RAP1A: variants seen among roughly 807,000 people sequenced by gnomAD.
RAP1A encodes the protein RAP1A, member of RAS oncogene family, also known as ras-related protein Rap-1A.
Under a neutral mutation model 26.4 loss-of-function variants are expected in RAP1A, and 6 were observed. That is an observed-to-expected ratio of 0.23 (90% CI 0.12 to 0.45). The LOEUF (loss-of-function observed/expected upper bound fraction) is 0.45, where lower values mean the gene tolerates loss of function less well. Among genes scored for constraint, RAP1A ranks in the 20% least tolerant of loss-of-function variants. The probability of loss-of-function intolerance (pLI) is 0.99; values close to 1 mark genes in which losing one functional copy is unlikely to be tolerated. For missense variants in RAP1A, 121 were observed against 217.2 expected (o/e 0.56, Z 2.78); for synonymous variants, 73 against 79.4 (o/e 0.92, Z 0.43).
chr1:111,621,867 C>T (rs1659214879), intron 1 of RAP1A, among the ~76,000 whole-genome samples: 1 of 152,134 alleles, frequency 6.6e-6, no homozygotes, highest in Non-Finnish European at 1.5e-5. Flanking sequence ...AGCTCAAAAG[C>T]CTTTGTTCAC....
At chr1:111,613,168 A>G (rs975270057) in intron 1 of RAP1A, among the ~76,000 whole-genome samples, 1 of 149,366 alleles carries the variant, frequency 6.7e-6, no homozygotes, top group Non-Finnish European at 1.5e-5. Context: ...TTTTTTTTTA[A>G]GTTTTAAATC....
chr1:111,708,982 G>T (rs567858887), intron 6 of RAP1A, among the ~76,000 whole-genome samples, 167 bp from the exon 7 acceptor site: 2 of 152,292 alleles, frequency 1.3e-5, no homozygotes, highest in African/African-American at 4.8e-5. Flanking sequence ...GGTAAGTCCT[G>T]CTTTCTACCC....
intron 1 of RAP1A, among the ~76,000 whole-genome samples, chr1:111,643,732 C>T (rs113436649): frequency 6.6e-6 from 1 of 152,342 alleles, no homozygotes; most frequent in Non-Finnish European, 1.5e-5. Flanking sequence ...TTATCATCAG[C>T]ACTGGTGTGT....
At position 111,567,225 on chromosome 1, in the gene RAP1A, T is replaced by G. The variant is rs560117649; in HGVS notation, c.-28+24716T>G. 2.3e-3 allele frequency among the ~76,000 whole-genome samples: 346 copies of G among 152,250 alleles called. 3 individuals carry two copies. Among genetic ancestry groups the G allele is most frequent in the African/African-American group, 7.5e-3 (313 of 41,538 alleles). ...TAAGAGCTCTATCCACAGAGTATAG[T>G]GGGTGCAGAGAGGAGGAGAACTCAA... On this transcript the variant is annotated intron_variant, in intron 1 of 7. Transcript: ENST00000356415.
intron 1 of RAP1A, among the ~76,000 whole-genome samples, chr1:111,588,634 C>G (rs1658422376): frequency 6.6e-6 from 1 of 152,118 alleles, no homozygotes; most frequent in Non-Finnish European, 1.5e-5. Context: ...GGGATACTCT[C>G]TACCTTCTTA....
At chr1:111,660,151 C>T (rs1019934894) in intron 1 of RAP1A, among the ~76,000 whole-genome samples, 1 of 152,194 alleles carries the variant, frequency 6.6e-6, no homozygotes, top group Non-Finnish European at 1.5e-5. Flanking sequence ...ATTTCTCCTT[C>T]ATTTGGAGGA....
intron 1 of RAP1A, among the ~76,000 whole-genome samples, chr1:111,659,744 T>C (rs1306036209): frequency 6.6e-6 from 1 of 152,178 alleles, no homozygotes; most frequent in African/African-American, 2.4e-5. Context: ...TCATTTTTTC[T>C]CCTCACTTAC....
At position 111,714,810 on chromosome 1, in the gene RAP1A, A is replaced by G. The variant is rs1174607608; in HGVS notation, c.*2409A>G. The G allele has an allele frequency of 5.3e-5, 8 of 152,248 alleles. No homozygotes were observed. Among genetic ancestry groups the G allele is most frequent in the Admixed American group, 5.2e-4 (8 of 15,280 alleles). The allele number at this position is 152,248 out of a possible 1,614,324, so 9.4% of individuals were successfully genotyped here. On this transcript the variant is annotated 3_prime_UTR_variant, in exon 8 of 8. Coordinates refer to ENST00000369709, the MANE Select transcript of RAP1A (RefSeq NM_002884.4). The stretch of plus-strand genomic sequence containing the variant: ...GAAAATAAATGTATTTTTATAGCTG[A>G]AAAATCAAGAGTTTCTAGGATATTG...
intron 1 of RAP1A, among the ~76,000 whole-genome samples, chr1:111,566,419 G>A (rs2101052705): frequency 6.6e-6 from 1 of 152,250 alleles, no homozygotes; most frequent in East Asian, 1.9e-4. Context: ...TAACACTGTA[G>A]GCTCTGAGGA....
chr1:111,662,394 C>CAAAAAAA (rs60481679), intron 1 of RAP1A, among the ~76,000 whole-genome samples: 1 of 103,428 alleles, frequency 9.7e-6, no homozygotes, highest in African/African-American at 3.9e-5. Flanking sequence ...GACTCCATCT[C>CAAAAAAA]AAAAAAAAAA....
intron 1 of RAP1A, among the ~76,000 whole-genome samples, chr1:111,690,964 A>C (rs1661647610): frequency 6.6e-6 from 1 of 152,220 alleles, no homozygotes; most frequent in Non-Finnish European, 1.5e-5. Flanking sequence ...AAAGCTCATG[A>C]GTGAATGTTT....
At chr1:111,648,966 G>T (rs1660169772) in intron 1 of RAP1A, 2 of 655,606 alleles carry the variant, frequency 3.1e-6, no homozygotes, top group Non-Finnish European at 5.7e-6. Context: ...TTCGTTGAGA[G>T]CCTCGATCTC....
chr1:111,587,568 A>C (rs1658399626), intron 1 of RAP1A, among the ~76,000 whole-genome samples: 1 of 152,146 alleles, frequency 6.6e-6, no homozygotes, highest in South Asian at 2.1e-4. Context: ...TTTCCTGGCA[A>C]AATATAAATA....
intron 7 of RAP1A, among the ~76,000 whole-genome samples, chr1:111,710,728 A>G (rs1302527647): frequency 6.6e-6 from 1 of 152,262 alleles, no homozygotes; most frequent in Non-Finnish European, 1.5e-5. Context: ...AAAAATGGGC[A>G]GAAAGGAGAA....
chr1:111,645,516 C>T (rs1427771933), intron 1 of RAP1A, among the ~76,000 whole-genome samples: 2 of 152,140 alleles, frequency 1.3e-5, no homozygotes, highest in Non-Finnish European at 2.9e-5. Context: ...GTTTAAGATT[C>T]ACTAACAGTT....
At chr1:111,553,541 C>T (rs887004995) in intron 1 of RAP1A, among the ~76,000 whole-genome samples, 6 of 152,180 alleles carry the variant, frequency 3.9e-5, no homozygotes, top group Non-Finnish European at 8.8e-5. Context: ...AACTTCTAGC[C>T]GGTATGCTGT....
chr1:111,691,289 T>G, intron 1 of RAP1A, 45 bp from the exon 2 acceptor site: 1 of 1,407,964 alleles, frequency 7.1e-7, no homozygotes, highest in Non-Finnish European at 1.0e-6. Flanking sequence ...ATTATTAGAC[T>G]GTTAGCATGT....
chr1:111,677,549 T>G (rs1661166546), intron 1 of RAP1A, among the ~76,000 whole-genome samples: 1 of 152,224 alleles, frequency 6.6e-6, no homozygotes, highest in East Asian at 1.9e-4. Flanking sequence ...ATATTTGTTT[T>G]AAGGCTAAAA....
intron 1 of RAP1A, among the ~76,000 whole-genome samples, chr1:111,552,558 T>C (rs943780942): frequency 6.6e-6 from 1 of 152,188 alleles, no homozygotes; most frequent in African/African-American, 2.4e-5. Context: ...AATTCACCAT[T>C]TTTTTATCCA....
Sources: gnomAD v4.1 joint callset for allele counts (sites outside exome capture counted in the v4.1 genomes callset) on GRCh38, gnomAD v4.1.1 for gene constraint, MANE v1.5 for transcripts, NCBI Gene and HGNC (gene_info 2026-07-23, HGNC 2026-07-21) for gene names.